The following CNTNAP3 variants were observed in gnomAD, a reference collection of about 807,000 sequenced individuals.
CNTNAP3 encodes the protein contactin-associated protein-like 3.
A neutral mutation model predicts 92.1 loss-of-function variants in CNTNAP3; 36 were observed. The observed-to-expected ratio is 0.39, with a 90% CI of 0.30 to 0.52. The LOEUF is 0.52. CNTNAP3 is among the 20% of genes least tolerant of loss of function. The pLI is 0.76. For missense variants in CNTNAP3, 534 were observed against 1,069.6 expected (o/e 0.50, Z 6.98); for synonymous variants, 232 against 422.3 (o/e 0.55, Z 5.53).
At position 39,069,725 on chromosome 9, in the gene CNTNAP3, T is replaced by A. The variant is rs973324328; in HGVS notation, c.*4165A>T. Among the ~76,000 whole-genome samples, 3 of 152,310 alleles carry A rather than the reference T, an allele frequency of 2.0e-5. No individual in the cohort carries two copies. The highest frequency in any genetic ancestry group is 4.4e-5 in the Non-Finnish European group (3 of 68,056). ...TTATGTAACCTTCTTAAGGTTACAT[T>A]TGCACTTAAGTATACCAACTTAAAC... is the stretch of plus-strand genomic sequence containing the variant. On this transcript the variant is annotated 3_prime_UTR_variant, in exon 24 of 24. Coordinates refer to ENST00000297668, the MANE Select transcript of CNTNAP3 (RefSeq NM_033655.5).
chr9:39,120,180 A>G (rs1820979672), intron 13 of CNTNAP3, among the ~76,000 whole-genome samples: 3 of 152,238 alleles, frequency 2.0e-5, no homozygotes. Flanking sequence ...AAACAAAACA[A>G]AACAGAAATC....
At position 39,065,623 on chromosome 9, in the gene CNTNAP3, C is replaced by T. The variant is rs1164070517; in HGVS notation, c.*8267G>A. ...GAGAATTATAATTGCTCCATATTCT[C>T]AACAACACGTGGTACTGACAATATT... On this transcript the variant is annotated 3_prime_UTR_variant, in exon 24 of 24. Coordinates refer to ENST00000297668, the MANE Select transcript of CNTNAP3 (RefSeq NM_033655.5). Among the ~76,000 whole-genome samples, 1 of 152,140 alleles carries T rather than the reference C, an allele frequency of 6.6e-6. No homozygotes were observed. Among genetic ancestry groups the T allele is most frequent in the Non-Finnish European group, 1.5e-5 (1 of 68,000 alleles).
At position 39,071,451 on chromosome 9, in the gene CNTNAP3, T is replaced by C. The variant is rs1405743601; in HGVS notation, c.*2439A>G. On this transcript the variant is annotated 3_prime_UTR_variant, in exon 24 of 24. Coordinates refer to ENST00000297668, the MANE Select transcript of CNTNAP3 (RefSeq NM_033655.5). ...GTCACATGAACCACTCTATTTTTAA[T>C]ATTAGAATTCTGAAGTTTTTAAGCA... Among the ~76,000 whole-genome samples the C allele has an allele frequency of 2.0e-5, 3 of 151,884 alleles. No individual in the cohort carries two copies. Among genetic ancestry groups the C allele is most frequent in the African/African-American group, 7.3e-5 (3 of 41,326 alleles).
chr9:39,083,849 A>C (rs1379529950), intron 21 of CNTNAP3, among the ~76,000 whole-genome samples: 1 of 151,716 alleles, frequency 6.6e-6, no homozygotes, highest in Non-Finnish European at 1.5e-5. Flanking sequence ...GAAAATTCAA[A>C]ATCTAAAAAG....
At chr9:39,109,851 A>G (rs1421247558) in intron 14 of CNTNAP3, among the ~76,000 whole-genome samples, 1 of 152,150 alleles carries the variant, frequency 6.6e-6, no homozygotes, top group Non-Finnish European at 1.5e-5. Context: ...TCTTAGAATA[A>G]TATCTAAGTG....
At chr9:39,074,273 C>T (rs1392820497) in intron 23 of CNTNAP3, among the ~76,000 whole-genome samples, 1 of 151,886 alleles carries the variant, frequency 6.6e-6, no homozygotes, top group Non-Finnish European at 1.5e-5. Flanking sequence ...AAGTGATCCT[C>T]TCACCTTGGT....
chr9:39,120,833 G>A (rs1821002439), intron 13 of CNTNAP3, among the ~76,000 whole-genome samples: 1 of 152,030 alleles, frequency 6.6e-6, no homozygotes, highest in Non-Finnish European at 1.5e-5. Context: ...GAAAAGAGAA[G>A]AAATATGGAT....
At chr9:39,114,015 C>CAT (rs1324122397) in intron 14 of CNTNAP3, among the ~76,000 whole-genome samples, 2 of 146,534 alleles carry the variant, frequency 1.4e-5, no homozygotes, top group South Asian at 2.1e-4. Flanking sequence ...TATATACACA[C>CAT]ATATATATAC....
chr9:39,112,488 C>A (rs1003636045), intron 14 of CNTNAP3, among the ~76,000 whole-genome samples: 10 of 152,092 alleles, frequency 6.6e-5, no homozygotes, highest in Non-Finnish European at 7.4e-5. Flanking sequence ...GCCTCAGCCT[C>A]CAGAGTAGCT....
At chr9:39,099,681 G>A (rs1310162504) in intron 18 of CNTNAP3, 6 of 795,636 alleles carry the variant, frequency 7.5e-6, no homozygotes, top group Non-Finnish European at 9.7e-6. Context: ...AGATGCTAGG[G>A]GTAACCCAGA....
chr9:39,102,932 C>T (rs1826499624), intron 16 of CNTNAP3, among the ~76,000 whole-genome samples: 2 of 152,042 alleles, frequency 1.3e-5, no homozygotes, highest in East Asian at 1.9e-4. Flanking sequence ...GTTCACAATT[C>T]AACCTTGTTA....
At chr9:39,113,156 TC>T (rs2117931546) in intron 14 of CNTNAP3, among the ~76,000 whole-genome samples, 1 of 152,170 alleles carries the variant, frequency 6.6e-6, no homozygotes, top group African/African-American at 2.4e-5. Flanking sequence ...AACCTTCCTC[TC>T]TGTGTGATGA....
chr9:39,100,293 A>G lies in CNTNAP3; in HGVS notation c.2756-143T>C, dbSNP rs977790360. 1.4e-5 allele frequency: 21 copies of G among 1,547,340 alleles called. No homozygotes were observed. The Admixed American group carries it at 3.8e-4, about 28-fold the overall frequency. ...TTTGTGAACATACACAATTTTGAAA[A>G]TGTAACTGTTATGAGACATGAAGCT... On this transcript the variant is annotated intron_variant, in intron 17 of 23. Coordinates refer to ENST00000297668, the MANE Select transcript of CNTNAP3 (RefSeq NM_033655.5).
At chr9:39,226,936 G>A (rs868741734) in intron 3 of CNTNAP3, among the ~76,000 whole-genome samples, 226 of 4,766 alleles carry the variant, frequency 0.047, 93 homozygotes, top group East Asian at 1. Context: ...GTATGTATAT[G>A]TGTGTATATA....
intron 13 of CNTNAP3, 43 bp from the exon 14 acceptor site, chr9:39,118,302 C>T: frequency 6.2e-7 from 1 of 1,611,738 alleles, no homozygotes; most frequent in Non-Finnish European, 8.5e-7. Flanking sequence ...CTTTGTCCCT[C>T]ACTACCACCC....
At chr9:39,180,656 CTATGATT>C (rs1822426690) in intron 4 of CNTNAP3, among the ~76,000 whole-genome samples, 1 of 150,694 alleles carries the variant, frequency 6.6e-6, no homozygotes, top group Admixed American at 6.6e-5. Flanking sequence ...ATAAAACATT[CTATGATT>C]TATGAAGTCA....
In CNTNAP3 at chr9:39,069,891, G is replaced by A. The variant is rs1209578623; in HGVS notation, c.*3999C>T. 6.6e-6 allele frequency among the ~76,000 whole-genome samples: 1 copy of A among 151,988 alleles called. No individual in the cohort carries two copies. The highest frequency in any genetic ancestry group is 1.5e-5 in the Non-Finnish European group (1 of 67,992). ...CAATAGAAAAGCTCTGTAATTCTTA[G>A]AATTCAATTTTTTAATTAAAAAATT... On this transcript the variant is annotated 3_prime_UTR_variant, in exon 24 of 24. Coordinates refer to ENST00000297668, the MANE Select transcript of CNTNAP3 (RefSeq NM_033655.5).
At chr9:39,108,983 G>A (rs1826674377) in intron 15 of CNTNAP3, among the ~76,000 whole-genome samples, 177 bp downstream of exon 15, 1 of 152,226 alleles carries the variant, frequency 6.6e-6, no homozygotes, top group South Asian at 2.1e-4. Context: ...GCTTCAGTAA[G>A]GAAACACAGA....
At chr9:39,114,344 C>T (rs1384919340) in intron 14 of CNTNAP3, among the ~76,000 whole-genome samples, 1 of 152,134 alleles carries the variant, frequency 6.6e-6, no homozygotes, top group Non-Finnish European at 1.5e-5. Context: ...CTCAGCCTCC[C>T]AAAGTGCTGG....
Sources: allele counts gnomAD v4.1 joint callset (sites outside exome capture counted in the v4.1 genomes callset), GRCh38; gene constraint gnomAD v4.1.1; transcripts MANE v1.5; gene names NCBI Gene and HGNC (gene_info 2026-07-23, HGNC 2026-07-21).